Variants in TMCO1 observed in about 807,000 individuals in gnomAD.
TMCO1 encodes the protein calcium load-activated calcium channel.
Under a neutral mutation model 29.3 loss-of-function variants are expected in TMCO1, and 29 were observed. The ratio of observed to expected loss-of-function variants is 0.99; its 90% CI spans 0.74 to 1.35. TMCO1 has a LOEUF of 1.35. Ranked by LOEUF, TMCO1 falls within the 40% of genes most tolerant of loss-of-function variation. The pLI, the probability that TMCO1 is intolerant of heterozygous loss-of-function variation, is 0.00. For synonymous variants in TMCO1, 80 were observed against 77.1 expected (o/e 1.04, Z -0.20); for missense variants, 173 against 225.5 (o/e 0.77, Z 1.49).
In TMCO1 at chr1:165,768,192, A is replaced by G. The variant is rs1558045285; in HGVS notation, c.148T>C (p.Leu50=). The part of the protein sequence containing the change: ...KAEVEKQSKK[L]EKKKETITES... ...ATTTCTAATGTGTTGCCATACTCACATTTTTTACTCTGTTTTTCCACTTCT... is the reference window on the plus strand; with the variant it reads ...ATTTCTAATGTGTTGCCATACTCACGTTTTTTACTCTGTTTTTCCACTTCT... The change falls in exon 2 of 7, where the codon TTG becomes CTG. Residue 50 remains leucine, a splice_region_variant and synonymous_variant. Transcript: ENST00000367881. The G allele has an allele frequency of 6.2e-7, 1 of 1,612,890 alleles. No individual in the cohort carries two copies. The highest frequency in any genetic ancestry group is 1.1e-5 in the South Asian group (1 of 91,064).
intron 2 of TMCO1, among the ~76,000 whole-genome samples, chr1:165,762,644 CA>C (rs1433430672): frequency 6.6e-6 from 1 of 152,200 alleles, no homozygotes; most frequent in Non-Finnish European, 1.5e-5. Flanking sequence ...GTAGAAATGT[CA>C]GAGTTGACAA....
chr1:165,743,406 A>G, intron 5 of TMCO1, 95 bp from the exon 6 acceptor site: 5 of 1,316,818 alleles, frequency 3.8e-6, no homozygotes, highest in Non-Finnish European at 5.3e-6. Flanking sequence ...TAGAGCTTTA[A>G]GTCTCTGATC....
intron 4 of TMCO1, among the ~76,000 whole-genome samples, chr1:165,752,494 AC>A (rs980319851): frequency 2.0e-5 from 3 of 148,270 alleles, no homozygotes; most frequent in South Asian, 2.2e-4. Context: ...TGACCTTGTG[AC>A]CCCCCCGCCT....
At chr1:165,761,503 C>G (rs896950749) in intron 2 of TMCO1, among the ~76,000 whole-genome samples, 11 of 151,646 alleles carry the variant, frequency 7.3e-5, no homozygotes, top group African/African-American at 2.7e-4. Flanking sequence ...TCACTGCACT[C>G]CAGCCTATGC....
rs1206999125 is a variant in TMCO1, at chr1:165,727,291, T to C, written c.*732A>G. The C allele has an allele frequency of 1.3e-5, 6 of 447,776 alleles. No individual in the cohort carries two copies. Among genetic ancestry groups the C allele is most frequent in the South Asian group, 8.1e-5 (5 of 61,874 alleles). The allele number at this position is 447,776 out of a possible 1,614,324, so 27.7% of individuals were successfully genotyped here. A position where few individuals can be genotyped will look rare whatever the true frequency, so the allele number is the denominator to read the frequency against. On this transcript the variant is annotated 3_prime_UTR_variant, in exon 7 of 7. Coordinates refer to ENST00000367881, the MANE Select transcript of TMCO1 (RefSeq NM_019026.6). ...ACCCTCATTTTTATTTATTTATTTA[T>C]ATTTAATTTTTTTTCAGACATCAGT...
chr1:165,756,355 C>T (rs1652192294), intron 3 of TMCO1, among the ~76,000 whole-genome samples: 1 of 152,056 alleles, frequency 6.6e-6, no homozygotes, highest in Non-Finnish European at 1.5e-5. Flanking sequence ...CCAGCTTTTT[C>T]TCAAGACTTG....
At chr1:165,757,896 C>T (rs58958766) in intron 3 of TMCO1, among the ~76,000 whole-genome samples, 2,022 of 152,248 alleles carry the variant, frequency 0.013, 54 homozygotes, top group African/African-American at 0.047. Flanking sequence ...TCAGATACAC[C>T]GTGTTGCCAA....
Position 165,727,190 on chromosome 1 carries a change from G to A in TMCO1, c.*833C>T. 1 of 454,038 alleles carries A rather than the reference G, an allele frequency of 2.2e-6. No individual in the cohort carries two copies. The highest frequency in any genetic ancestry group is 4.4e-6 in the Non-Finnish European group (1 of 226,770). The allele number at this position is 454,038 out of a possible 1,614,324, so 28.1% of individuals were successfully genotyped here. A position where few individuals can be genotyped will look rare whatever the true frequency, so the allele number is the denominator to read the frequency against. The stretch of plus-strand genomic sequence containing the variant: ...ATTAACAACATATAACTATAACCTT[G>A]TCTCCAAGGGAGATCTAAGAGTGCC... On this transcript the variant is annotated 3_prime_UTR_variant, in exon 7 of 7. Coordinates refer to ENST00000367881, the MANE Select transcript of TMCO1 (RefSeq NM_019026.6).
In TMCO1 at chr1:165,749,839, T is replaced by A. The variant is rs147988622; in HGVS notation, c.323+2263A>T. Among the ~76,000 whole-genome samples the A allele has an allele frequency of 2.8e-3, 420 of 150,628 alleles. 4 individuals carry two copies. The highest frequency in any genetic ancestry group is 0.017 in the East Asian group (88 of 5,078). ...TAAAAAACTCTTGTAAATAAAAACATAAAAAATAAACGTCAAAAAAAAGAA... is the reference window on the plus strand; with the variant it reads ...TAAAAAACTCTTGTAAATAAAAACAAAAAAAATAAACGTCAAAAAAAAGAA... On this transcript the variant is annotated intron_variant, in intron 5 of 6. Transcript: ENST00000367881.
chr1:165,763,912 C>G (rs1299113353), intron 2 of TMCO1, among the ~76,000 whole-genome samples: 1 of 152,226 alleles, frequency 6.6e-6, no homozygotes, highest in Admixed American at 6.5e-5. Context: ...CAGGCGTAAG[C>G]CACTGCACCT....
chr1:165,742,064 A>G (rs554378339), intron 6 of TMCO1, among the ~76,000 whole-genome samples: 1 of 152,316 alleles, frequency 6.6e-6, no homozygotes, highest in South Asian at 2.1e-4. Context: ...GCAACCAAAA[A>G]TCTTCTGCCA....
In TMCO1 at chr1:165,726,836, G is replaced by A. The variant is rs1312986715; in HGVS notation, c.*1187C>T. The A allele has an allele frequency of 2.2e-6, 1 of 453,052 alleles. No individual in the cohort carries two copies. The highest frequency in any genetic ancestry group is 4.4e-6 in the Non-Finnish European group (1 of 226,592). The allele number at this position is 453,052 out of a possible 1,614,324, so 28.1% of individuals were successfully genotyped here. ...ATGTCTTTATTTTGCCTCCAATATT[G>A]TACATAAAATTCTAAGTTGATACTT... On this transcript the variant is annotated 3_prime_UTR_variant, in exon 7 of 7. Transcript: ENST00000367881.
At chr1:165,726,025 C>A, downstream of TMCO1, 2 of 687,358 alleles carry the variant, frequency 2.9e-6, no homozygotes, top group Non-Finnish European at 5.3e-6. Context: ...AACTTCAAAG[C>A]CTCAGGGTAT....
At chr1:165,763,733 C>T (rs1225517257) in intron 2 of TMCO1, among the ~76,000 whole-genome samples, 1 of 152,104 alleles carries the variant, frequency 6.6e-6, no homozygotes, top group Non-Finnish European at 1.5e-5. Context: ...TCAAGCAATC[C>T]TCCCACCTCA....
At chr1:165,734,218 T>C (rs1330283461) in intron 6 of TMCO1, among the ~76,000 whole-genome samples, 1 of 152,220 alleles carries the variant, frequency 6.6e-6, no homozygotes, top group African/African-American at 2.4e-5. Context: ...ACATTATATC[T>C]GACTAGACTA....
chr1:165,768,238 G>A lies in TMCO1; in HGVS notation c.102C>T (p.Asp34=). Residue 34 remains aspartate, a synonymous_variant, in exon 2 of 7, where the codon GAC becomes GAT. Transcript: ENST00000367881. ...GITWVLVYRT[D]KYKRLKAEVE... ...CTTCTGCCTTCAGTCTCTTGTACTT[G>A]TCTGTCCTGTAAACCAGGACCCAGG... 1.2e-6 allele frequency: 2 copies of A among 1,613,714 alleles called. No homozygotes were observed. The highest frequency in any genetic ancestry group is 8.5e-7 in the Non-Finnish European group (1 of 1,179,952).
At chr1:165,766,680 T>C (rs969603311) in intron 2 of TMCO1, among the ~76,000 whole-genome samples, 12 of 152,100 alleles carry the variant, frequency 7.9e-5, no homozygotes, top group African/African-American at 2.7e-4. Context: ...CTCAGAAGTC[T>C]GAGGCAGGAG....
intron 6 of TMCO1, among the ~76,000 whole-genome samples, chr1:165,732,477 TTC>T (rs143135718): frequency 0.013 from 1,813 of 143,842 alleles, 19 homozygotes; most frequent in African/African-American, 0.025. Context: ...AGCAAATGGT[TTC>T]TCTCTCTCTC....
At chr1:165,752,309 C>CA (rs1345803703) in intron 4 of TMCO1, 140 bp from the exon 5 acceptor site, 2 of 664,488 alleles carry the variant, frequency 3.0e-6, no homozygotes, top group African/African-American at 3.9e-5. Context: ...GGCTGGAGTA[C>CA]AGTGGCGCAA....
Sources: allele counts gnomAD v4.1 joint callset (sites outside exome capture counted in the v4.1 genomes callset), GRCh38; gene constraint gnomAD v4.1.1; transcripts MANE v1.5; gene names NCBI Gene and HGNC (gene_info 2026-07-23, HGNC 2026-07-21).